Variants in AVPR2 observed in about 807,000 individuals in gnomAD.
AVPR2 encodes vasopressin V2 receptor.
In AVPR2, 3 loss-of-function variants were observed where a neutral mutation model predicts 12.0. The observed-to-expected ratio is 0.25, with a 90% CI of 0.11 to 0.64. The LOEUF (loss-of-function observed/expected upper bound fraction) is 0.64. AVPR2 is among the 30% of genes least tolerant of loss of function. The probability of loss-of-function intolerance (pLI) is 0.84; values close to 1 mark genes in which losing one functional copy is unlikely to be tolerated. For synonymous variants in AVPR2, 143 were observed against 147.5 expected (o/e 0.97, Z 0.22); for missense variants, 279 against 347.9 (o/e 0.80, Z 1.58).
chrX:153,906,282 G>A lies in AVPR2; in HGVS notation c.776G>A (p.Gly259Glu), dbSNP rs1557100874. The A allele has an allele frequency of 1.6e-6, 2 of 1,212,315 alleles. No homozygotes were observed. The highest frequency in any genetic ancestry group is 4.3e-5 in the Admixed American group (2 of 46,141). Residue 259 changes from glycine (G) to glutamate (E), a missense_variant, in exon 3 of 4, where the codon GGA (glycine) becomes GAA (glutamate). Gly to Glu is a moderately conservative substitution (Grantham distance 98). Transcript: ENST00000646375. ...CGCCGGACAGGCAGCCCCGGTGAGG[G>A]AGCCCACGTGTCAGCAGCTGTGGCC... ...RGRRTGSPGE[G>E]AHVSAAVAKT...
intron 2 of AVPR2, 73 bp from the exon 3 acceptor site, chrX:153,905,459 G>A: frequency 1.0e-5 from 11 of 1,051,716 alleles, no homozygotes; most frequent in Non-Finnish European, 1.3e-5. Context: ...CCGGATGGGG[G>A]CACGGGAGGC....
chrX:153,904,507 GGGGCGTGGTAGGGTGAGGGT>G (rs2064949591), upstream of AVPR2, among the ~76,000 whole-genome samples: 1 of 112,110 alleles, frequency 8.9e-6, no homozygotes, highest in Non-Finnish European at 1.9e-5. Context: ...TCCAACCAGG[GGGGCGTGGTAGGGTGAGGGT>G]GGGCGTGGAG....
Position 153,905,176 on chromosome X carries a change from G to C in AVPR2, c.25+6G>C. The C allele has an allele frequency of 3.3e-6, 4 of 1,211,963 alleles. No individual in the cohort carries two copies. The highest frequency in any genetic ancestry group is 4.5e-6 in the Non-Finnish European group (4 of 895,425). On this transcript the variant is annotated splice_donor_region_variant and intron_variant, in intron 2 of 3. Coordinates refer to ENST00000646375, the MANE Select transcript of AVPR2 (RefSeq NM_000054.7). ...CATGGCGTCCACCACTTCCGGTAAG[G>C]CTTGCCCCTCCATGAGTCCGGTGGG...
Position 153,906,940 on chromosome X carries a change from C to A in AVPR2, c.*212C>A. 2.0e-6 allele frequency: 1 copy of A among 503,349 alleles called. No individual in the cohort carries two copies. The highest frequency in any genetic ancestry group is 3.5e-6 in the Non-Finnish European group (1 of 285,809). 41.5% of individuals were successfully genotyped at this position (503,349 alleles called of 1,213,427 possible). A position where few individuals can be genotyped will look rare whatever the true frequency, so the allele number is the denominator to read the frequency against. ...ATGAGGAGAGCTTCAGGCCCCAGGA[C>A]TGTGGGGGCCCCTCAGGTCAGCTCA... On this transcript the variant is annotated 3_prime_UTR_variant, in exon 4 of 4. Coordinates refer to ENST00000646375, the MANE Select transcript of AVPR2 (RefSeq NM_000054.7).
chrX:153,904,798 CT>C, intron 1 of AVPR2, 27 bp downstream of exon 1: 2 of 371,441 alleles, frequency 5.4e-6, no homozygotes, highest in Non-Finnish European at 9.6e-6. Context: ...GCCTGCCCCC[CT>C]GCCCAGTCCC....
upstream of AVPR2, chrX:153,902,842 C>A (rs782214044): frequency 7.2e-5 from 22 of 307,478 alleles, no homozygotes; most frequent in Middle Eastern, 1.1e-3. Context: ...TGCACAGCCT[C>A]GTTCAGGCAG....
chrX:153,904,370 G>A (rs547956204), upstream of AVPR2, among the ~76,000 whole-genome samples: 54 of 112,988 alleles, frequency 4.8e-4, no homozygotes, highest in South Asian at 0.019. Context: ...GGAAGGGGGC[G>A]TGAAGCTCCC....
intron 3 of AVPR2, 22 bp from the exon 4 acceptor site, chrX:153,906,501 C>G (rs1557101027): frequency 8.3e-7 from 1 of 1,208,202 alleles, no homozygotes; most frequent in South Asian, 1.8e-5. Context: ...CTGAACCCAA[C>G]CTAGATCCTC....
At chrX:153,903,175 C>T (rs1254649055), upstream of AVPR2, among the ~76,000 whole-genome samples, 7 of 112,951 alleles carry the variant, frequency 6.2e-5, no homozygotes, top group African/African-American at 2.3e-4. Flanking sequence ...TCCTATTCCA[C>T]TGATCTGGGT....
rs782262014 is a variant in AVPR2 at position 153,906,380 on chromosome X, C to T, written c.874C>T (p.Leu292=). The T allele has an allele frequency of 2.8e-5, 34 of 1,209,846 alleles. No individual in the cohort carries two copies. In the African/African-American group the frequency reaches 5.0e-4, roughly 18 times the overall value. ...LCWAPFFLVQ[L]WAAWDPEAPL... is the part of the protein sequence containing the mutation. Reference sequence around the variant, plus strand: ...CTGGGCACCCTTCTTCCTGGTGCAGCTGTGGGCCGCGTGGGACCCGGAGGC... The same window carrying T: ...CTGGGCACCCTTCTTCCTGGTGCAGTTGTGGGCCGCGTGGGACCCGGAGGC... The change falls in exon 3 of 4, where the codon CTG becomes TTG. Residue 292 remains leucine (L), a synonymous_variant. Coordinates refer to ENST00000646375, the MANE Select transcript of AVPR2 (RefSeq NM_000054.7).
rs781981680 is a variant in AVPR2 at position 153,906,061 on chromosome X, T to C, written c.555T>C (p.Gly185=). ...TCTTCGCCCAGCGCAACGTGGAAGG[T>C]GGCAGCGGGGTCACTGACTGCTGGG... The part of the protein sequence containing the change: ...LFIFAQRNVE[G]GSGVTDCWAC... Residue 185 remains glycine (G), a synonymous_variant, in exon 3 of 4, where the codon GGT becomes GGC. Coordinates refer to ENST00000646375, the MANE Select transcript of AVPR2 (RefSeq NM_000054.7). 5.0e-6 allele frequency: 6 copies of C among 1,211,563 alleles called. No homozygotes were observed. Among genetic ancestry groups the C allele is most frequent in the Non-Finnish European group, 6.7e-6 (6 of 895,506 alleles).
At chrX:153,903,140 T>C (rs1362786124), upstream of AVPR2, among the ~76,000 whole-genome samples, 1 of 112,252 alleles carries the variant, frequency 8.9e-6, no homozygotes, top group Non-Finnish European at 1.9e-5. Flanking sequence ...GTCCCCAAAT[T>C]CTCTGCCAGT....
chrX:153,904,996 A>G lies in AVPR2; in HGVS notation c.-150A>G. On this transcript the variant is annotated 5_prime_UTR_variant, in exon 2 of 4. Coordinates refer to ENST00000646375, the MANE Select transcript of AVPR2 (RefSeq NM_000054.7). ...CAGGACTGGCCATACTGCCACCGAC[A>G]CGTGCACACACGCCAACAGGCATCT... 1 of 803,884 alleles carries G rather than the reference A, an allele frequency of 1.2e-6. No individual in the cohort carries two copies. Among genetic ancestry groups the G allele is most frequent in the East Asian group, 3.2e-5 (1 of 31,717 alleles). The allele number at this position is 803,884 out of a possible 1,213,427, so 66.2% of individuals were successfully genotyped here. A position where few individuals can be genotyped will look rare whatever the true frequency, so the allele number is the denominator to read the frequency against.
upstream of AVPR2, among the ~76,000 whole-genome samples, chrX:153,903,418 T>TGCAGGTGC (rs1557099804): frequency 3.8e-5 from 4 of 105,589 alleles, no homozygotes; most frequent in African/African-American, 1.4e-4. Context: ...GCTGTGCGTA[T>TGCAGGTGC]GTGGTGTGTA....
chrX:153,904,821 T>C, intron 1 of AVPR2, 50 bp downstream of exon 1: 1 of 393,702 alleles, frequency 2.5e-6, no homozygotes, highest in Non-Finnish European at 4.5e-6. Context: ...AGCCCTCGGA[T>C]GGTGGCCTCT....
chrX:153,905,280 G>A (rs1459145208), intron 2 of AVPR2, 110 bp downstream of exon 2: 16 of 1,096,560 alleles, frequency 1.5e-5, no homozygotes, highest in Middle Eastern at 2.6e-4. Flanking sequence ...TGTCTCTCCA[G>A]GCTGCCAATG....
chrX:153,906,834 A>C lies in AVPR2; in HGVS notation c.*106A>C. Reference sequence around the variant, plus strand: ...GGGGGACCCGTGGAGAATTGGCCAGAGCCTGTGGCCCCGAGGCTGGGACAC... The same window carrying C: ...GGGGGACCCGTGGAGAATTGGCCAGCGCCTGTGGCCCCGAGGCTGGGACAC... On this transcript the variant is annotated 3_prime_UTR_variant, in exon 4 of 4. Coordinates refer to ENST00000646375, the MANE Select transcript of AVPR2 (RefSeq NM_000054.7). The C allele has an allele frequency of 1.2e-6, 1 of 866,498 alleles. No individual in the cohort carries two copies. The highest frequency in any genetic ancestry group is 1.7e-6 in the Non-Finnish European group (1 of 599,431). 71.4% of individuals were successfully genotyped at this position (866,498 alleles called of 1,213,427 possible). A position where few individuals can be genotyped will look rare whatever the true frequency, so the allele number is the denominator to read the frequency against.
chrX:153,904,638 G>T (rs376864452), upstream of AVPR2: 144 of 138,310 alleles, frequency 1.0e-3, 2 homozygotes, highest in South Asian at 0.024. Context: ...GAAAGGGGGA[G>T]GGGGAGGAAG....
chrX:153,905,867 G>A lies in AVPR2; in HGVS notation c.361G>A (p.Val121Met). The A allele has an allele frequency of 8.3e-7, 1 of 1,204,854 alleles. No individual in the cohort carries two copies. The highest frequency in any genetic ancestry group is 1.1e-6 in the Non-Finnish European group (1 of 895,624). The change falls in exon 3 of 4, where the codon GTG becomes ATG. Residue 121 changes from valine to methionine, a missense_variant. By Grantham distance (21) the Val-to-Met change is conservative. Transcript: ENST00000646375. ...LCRAVKYLQMVGMYASSYMIL... is the reference protein window; with the variant it reads ...LCRAVKYLQMMGMYASSYMIL... ...TCGGGCCGTGAAGTATCTGCAGATG[G>A]TGGGCATGTATGCCTCCTCCTACAT...
Sources: allele counts gnomAD v4.1 joint callset (sites outside exome capture counted in the v4.1 genomes callset), GRCh38; gene constraint gnomAD v4.1.1; transcripts MANE v1.5; gene names NCBI Gene and HGNC (gene_info 2026-07-23, HGNC 2026-07-21).